Variants in TRAFD1 observed in about 807,000 individuals in gnomAD.
The protein encoded by TRAFD1 is TRAF-type zinc finger domain containing 1, also known as TRAF-type zinc finger domain-containing protein 1.
A neutral mutation model predicts 65.3 loss-of-function variants in TRAFD1; 38 were observed. The ratio of observed to expected loss-of-function variants is 0.58; its 90% CI spans 0.45 to 0.76. The LOEUF is 0.76. TRAFD1 is among the 30% of genes least tolerant of loss of function. TRAFD1 has a pLI of 0.00. For missense variants in TRAFD1, 631 were observed against 712.6 expected, an observed-to-expected ratio of 0.89 and a Z score of 1.30; for synonymous variants, 223 against 257.2, an observed-to-expected ratio of 0.87 and a Z score of 1.27.
intron 1 of TRAFD1, among the ~76,000 whole-genome samples, chr12:112,129,390 A>T (rs2079556263): frequency 6.6e-6 from 1 of 151,702 alleles, no homozygotes; most frequent in Non-Finnish European, 1.5e-5. Context: ...TTTGTAGAGA[A>T]GGGTTTCACC....
chr12:112,134,948 T>C, intron 3 of TRAFD1, 65 bp from the exon 4 acceptor site: 1 of 1,613,888 alleles, frequency 6.2e-7, no homozygotes, highest in Middle Eastern at 1.6e-4. Flanking sequence ...CTGTTTGCTA[T>C]TGTGCAATAG....
chr12:112,131,491 A>G (rs894543015), intron 2 of TRAFD1, among the ~76,000 whole-genome samples: 1 of 152,246 alleles, frequency 6.6e-6, no homozygotes, highest in Admixed American at 6.5e-5. Flanking sequence ...AGATTAGCAT[A>G]GAAGGCTGAC....
chr12:112,141,299 CAGAT>C (rs2030083459), intron 5 of TRAFD1, 75 bp downstream of exon 5: 1 of 1,528,872 alleles, frequency 6.5e-7, no homozygotes, highest in Non-Finnish European at 8.9e-7. Context: ...GCTTTGGGGC[CAGAT>C]AGATCTTGAT....
chr12:112,133,996 A>G (rs1478443254), intron 2 of TRAFD1, among the ~76,000 whole-genome samples: 1 of 123,088 alleles, frequency 8.1e-6, no homozygotes, highest in Non-Finnish European at 1.7e-5. Context: ...CCTGGAAAGG[A>G]TTTAATTTTT....
chr12:112,147,858 A>C (rs1395070267), intron 7 of TRAFD1, among the ~76,000 whole-genome samples: 2 of 151,698 alleles, frequency 1.3e-5, no homozygotes, highest in Non-Finnish European at 2.9e-5. Flanking sequence ...TTTAGTAGAG[A>C]TGGGGTTTCA....
intron 7 of TRAFD1, among the ~76,000 whole-genome samples, chr12:112,147,149 A>C (rs1160367655): frequency 6.6e-6 from 1 of 151,536 alleles, no homozygotes; most frequent in African/African-American, 2.4e-5. Context: ...ACAGGCACAC[A>C]CCACCATGCC....
chr12:112,135,213 A>G, intron 4 of TRAFD1, 147 bp downstream of exon 4: 1 of 904,154 alleles, frequency 1.1e-6, no homozygotes, highest in Non-Finnish European at 1.7e-6. Context: ...GGCCTTGACT[A>G]TGTAACTGCT....
In TRAFD1 at chr12:112,130,550, A is replaced by C; in HGVS notation, c.28A>C (p.Thr10Pro). MAEFLDDQETRLCDNCKKEI... is the reference protein window; with the variant it reads MAEFLDDQEPRLCDNCKKEI... ...GGCTGAATTTCTAGATGACCAGGAA[A>C]CTCGACTGTGTGACAACTGGTAAGA... Residue 10 changes from threonine (T) to proline (P), a missense_variant, in exon 2 of 12, where the codon ACT (threonine) becomes CCT (proline). By Grantham distance (38) the Thr-to-Pro change is conservative (BLOSUM62 -1). Coordinates refer to ENST00000412615, the MANE Select transcript of TRAFD1 (RefSeq NM_006700.3). The surrounding 1 kb of genome is among the most constrained non-coding windows in gnomAD (Gnocchi z 4.4). 4 of 1,613,032 alleles carry C rather than the reference A, an allele frequency of 2.5e-6. No individual in the cohort carries two copies.
chr12:112,126,187 T>C (rs1247930089), intron 1 of TRAFD1: 1 of 152,204 alleles, frequency 6.6e-6, no homozygotes, highest in Non-Finnish European at 1.5e-5. Flanking sequence ...GAGAAGCCGC[T>C]TACTTCTTCA....
In TRAFD1 at chr12:112,145,648, C is replaced by G; in HGVS notation, c.913C>G (p.Leu305Val). The change falls in exon 7 of 12, where the codon CTG (leucine) becomes GTG (valine). Residue 305 changes from leucine (L) to valine (V), a missense_variant. Leu to Val is a conservative substitution (Grantham distance 32). Transcript: ENST00000412615. The stretch of plus-strand genomic sequence containing the variant: ...TGAGGAGCTCTACCCAGAGGAACTG[C>G]TGATTGACCATCAGGTGTGTTATGA... Reference protein sequence around the residue: ...FCEELYPEELLIDHQTSCNPS... With the variant: ...FCEELYPEELVIDHQTSCNPS... 6.2e-7 allele frequency: 1 copy of G among 1,614,134 alleles called. No individual in the cohort carries two copies. The highest frequency in any genetic ancestry group is 8.5e-7 in the Non-Finnish European group (1 of 1,180,024).
Position 112,145,637 on chromosome 12 carries a change from C to A in TRAFD1, c.902C>A (p.Pro301Gln). The A allele has an allele frequency of 6.2e-7, 1 of 1,614,092 alleles. No homozygotes were observed. Among genetic ancestry groups the A allele is most frequent in the Non-Finnish European group, 8.5e-7 (1 of 1,179,992 alleles). Residue 301 changes from proline (P) to glutamine (Q), a missense_variant, in exon 7 of 12, where the codon CCA (proline) becomes CAA (glutamine). Pro to Gln is a moderately conservative substitution (Grantham distance 76, BLOSUM62 -1). Transcript: ENST00000412615. Reference sequence around the variant, plus strand: ...TGTGAATTTTGTGAGGAGCTCTACCCAGAGGAACTGCTGATTGACCATCAG... The same window carrying A: ...TGTGAATTTTGTGAGGAGCTCTACCAAGAGGAACTGCTGATTGACCATCAG... ...LPCEFCEELY[P>Q]EELLIDHQTS...
chr12:112,129,644 A>T (rs1455675706), intron 1 of TRAFD1, among the ~76,000 whole-genome samples: 3 of 151,674 alleles, frequency 2.0e-5, no homozygotes, highest in African/African-American at 7.3e-5. Context: ...TTTTATTTTT[A>T]TTTATTTATT....
intron 4 of TRAFD1, among the ~76,000 whole-genome samples, chr12:112,139,222 T>C (rs1173979952): frequency 6.6e-6 from 1 of 150,972 alleles, no homozygotes; most frequent in Non-Finnish European, 1.5e-5. Flanking sequence ...TGATGGCATA[T>C]ACCTGTGGTC....
intron 6 of TRAFD1, 111 bp downstream of exon 6, chr12:112,142,406 C>CT: frequency 7.7e-7 from 1 of 1,296,802 alleles, no homozygotes; most frequent in East Asian, 2.5e-5. Context: ...TTGCCTTACT[C>CT]TTTTTTGTTT....
rs2030315281 is a variant in TRAFD1 at position 112,148,428 on chromosome 12, T to C, written c.1158+124T>C. 4 of 817,340 alleles carry C rather than the reference T, an allele frequency of 4.9e-6. No homozygotes were observed. The East Asian group carries it at 7.8e-5, about 16-fold the overall frequency. The allele number at this position is 817,340 out of a possible 1,614,324, so 50.6% of individuals were successfully genotyped here. A position where few individuals can be genotyped will look rare whatever the true frequency, so the allele number is the denominator to read the frequency against. ...CTGACAAGGAATGCACACACTTGGCTTCTGGCCAAGTCATCTTTGTGAGCT... is the reference window on the plus strand; with the variant it reads ...CTGACAAGGAATGCACACACTTGGCCTCTGGCCAAGTCATCTTTGTGAGCT... On this transcript the variant is annotated intron_variant, in intron 8 of 11. Transcript: ENST00000412615.
rs2030105173 is a variant in TRAFD1, at chr12:112,142,130, C to A, written c.685C>A (p.Pro229Thr). The A allele has an allele frequency of 9.3e-6, 15 of 1,613,794 alleles. No individual in the cohort carries two copies. The East Asian group carries it at 3.3e-4, about 36-fold the overall frequency. The change falls in exon 6 of 12, where the codon CCC becomes ACC. Residue 229 changes from proline to threonine, a missense_variant. Pro to Thr is a conservative substitution (Grantham distance 38, BLOSUM62 -1). Transcript: ENST00000412615. ...ERQERNRGQQ[P>T]PKEGGEESAN... ...GCAGGAAAGGAATAGAGGCCAACAGCCCCCCAAAGAGGGTGGTGAAGAGAG... is the reference window on the plus strand; with the variant it reads ...GCAGGAAAGGAATAGAGGCCAACAGACCCCCAAAGAGGGTGGTGAAGAGAG...
chr12:112,145,712 TA>T, intron 7 of TRAFD1, 50 bp downstream of exon 7: 9 of 1,560,976 alleles, frequency 5.8e-6, no homozygotes, highest in Non-Finnish European at 7.9e-6. Flanking sequence ...ATGCAGGCCA[TA>T]ATTGGTGTTG....
At chr12:112,139,108 T>G (rs2030009675) in intron 4 of TRAFD1, among the ~76,000 whole-genome samples, 1 of 152,018 alleles carries the variant, frequency 6.6e-6, no homozygotes, top group Admixed American at 6.6e-5. Context: ...AAGGCCAAGG[T>G]AGGAGGACTG....
intron 2 of TRAFD1, among the ~76,000 whole-genome samples, chr12:112,134,202 G>A (rs1054674938): frequency 1.3e-5 from 2 of 151,276 alleles, no homozygotes; most frequent in African/African-American, 4.9e-5. Context: ...TAGAGACGGG[G>A]TTTCACCATG....
Sources: gnomAD v4.1 joint callset for allele counts (sites outside exome capture counted in the v4.1 genomes callset) on GRCh38, gnomAD v4.1.1 for gene constraint, Gnocchi (gnomAD v3.1) non-coding constraint, MANE v1.5 for transcripts, NCBI Gene and HGNC (gene_info 2026-07-23, HGNC 2026-07-21) for gene names.